Variants in SEC16B observed in about 807,000 individuals in gnomAD.
The protein encoded by SEC16B is SEC16 homolog B, endoplasmic reticulum export factor, also known as protein transport protein Sec16B.
In SEC16B, 115 loss-of-function variants were observed where a neutral mutation model predicts 141.8. That is an observed-to-expected ratio of 0.81 (90% CI 0.70 to 0.95). The LOEUF (loss-of-function observed/expected upper bound fraction) is 0.95, where lower values mean the gene tolerates loss of function less well. SEC16B is among the 40% of genes least tolerant of loss of function. The pLI is 0.00. For missense variants in SEC16B, 1,291 were observed against 1,312.3 expected (o/e 0.98, Z 0.25); for synonymous variants, 493 against 492.5 (o/e 1.00, Z -0.01).
chr1:177,933,262 G>A lies in SEC16B; in HGVS notation c.2775C>T (p.Asn925=), dbSNP rs1210792687. 15 of 1,599,152 alleles carry A rather than the reference G, an allele frequency of 9.4e-6. No homozygotes were observed. The highest frequency in any genetic ancestry group is 2.7e-5 in the African/African-American group (2 of 74,536). Residue 925 remains asparagine (N), a synonymous_variant, in exon 22 of 26, where the codon AAC becomes AAT. Coordinates refer to ENST00000308284, the MANE Select transcript of SEC16B (RefSeq NM_033127.4). ...AGTCCTCGTCTCCAGCGGGGGATGCGTTCTTGGTGGGCTTCGATCGAAACC... is the reference window on the plus strand; with the variant it reads ...AGTCCTCGTCTCCAGCGGGGGATGCATTCTTGGTGGGCTTCGATCGAAACC... The part of the protein sequence containing the change: ...FSWFRSKPTK[N]ASPAGDEDSS...
At chr1:177,970,561 C>T (rs1409018167), upstream of SEC16B, among the ~76,000 whole-genome samples, 1 of 152,112 alleles carries the variant, frequency 6.6e-6, no homozygotes, top group Non-Finnish European at 1.5e-5. Context: ...GAGCAAACAC[C>T]TGGTTTGCCC....
chr1:177,978,062 A>G (rs1654246885), intron 1 of SEC16B, among the ~76,000 whole-genome samples: 3 of 152,176 alleles, frequency 2.0e-5, no homozygotes, highest in Admixed American at 1.3e-4. Context: ...GCTAAACTAT[A>G]TACAAAGCTC....
At chr1:177,963,983 T>G (rs1368460127) in intron 5 of SEC16B, among the ~76,000 whole-genome samples, 188 bp downstream of exon 5, 2 of 152,072 alleles carry the variant, frequency 1.3e-5, no homozygotes, top group African/African-American at 4.8e-5. Flanking sequence ...CTCGGATGCC[T>G]AAGACTGAGG....
chr1:177,964,338 C>T (rs1557989472), intron 4 of SEC16B, 59 bp from the exon 5 acceptor site: 2 of 1,264,698 alleles, frequency 1.6e-6, no homozygotes, highest in East Asian at 2.5e-5. Flanking sequence ...AAGGCTGAGG[C>T]ACTCTCCGCC....
At chr1:177,980,992 G>A (rs1557999907) in intron 1 of SEC16B, among the ~76,000 whole-genome samples, 1 of 152,080 alleles carries the variant, frequency 6.6e-6, no homozygotes, top group East Asian at 1.9e-4. Flanking sequence ...GCAAAGAAAA[G>A]TTGAGAGCTG....
In SEC16B at chr1:177,933,266, T is replaced by C. The variant is rs756040569; in HGVS notation, c.2771A>G (p.Lys924Arg). 5 of 1,600,812 alleles carry C rather than the reference T, an allele frequency of 3.1e-6. No homozygotes were observed. In the Admixed American group the frequency reaches 6.9e-5, roughly 22 times the overall value. Residue 924 changes from lysine to arginine, a missense_variant, in exon 22 of 26, where the codon AAG (lysine) becomes AGG (arginine). Coordinates refer to ENST00000308284, the MANE Select transcript of SEC16B (RefSeq NM_033127.4). ...CTCGTCTCCAGCGGGGGATGCGTTC[T>C]TGGTGGGCTTCGATCGAAACCAGCT... ...WFSWFRSKPT[K>R]NASPAGDEDS...
chr1:177,964,238 T>C lies in SEC16B; in HGVS notation c.575A>G (p.Asn192Ser). 2 of 1,613,616 alleles carry C rather than the reference T, an allele frequency of 1.2e-6. No individual in the cohort carries two copies. Among genetic ancestry groups the C allele is most frequent in the Non-Finnish European group, 1.7e-6 (2 of 1,179,696 alleles). ...CTCCCCCGGCCACTCCTGTCCAGAG[T>C]TGGAAGCAGGGCTGTCTTTACAAGG... is the stretch of plus-strand genomic sequence containing the variant. ...RNPCKDSPASNSGQEWPGELF... is the reference protein window; with the variant it reads ...RNPCKDSPASSSGQEWPGELF... The change falls in exon 5 of 26, where the codon AAC (asparagine) becomes AGC (serine). Residue 192 changes from asparagine (N) to serine (S), a missense_variant. Transcript: ENST00000308284.
chr1:177,939,923 G>C (rs988990851), intron 17 of SEC16B, 146 bp from the exon 18 acceptor site: 1 of 681,794 alleles, frequency 1.5e-6, no homozygotes, highest in African/African-American at 1.8e-5. Flanking sequence ...TAGGGGCCTG[G>C]GGGGTCACGT....
At position 177,947,920 on chromosome 1, in the gene SEC16B, C is replaced by T. The variant is rs200132735; in HGVS notation, c.1568G>A (p.Gly523Glu). 3,389 of 1,556,306 alleles carry T rather than the reference C, an allele frequency of 2.2e-3. 15 individuals are homozygous for T. Among genetic ancestry groups the T allele is most frequent in the Non-Finnish European group, 2.4e-3 (2,762 of 1,149,566 alleles). The stretch of plus-strand genomic sequence containing the variant: ...CACAGCCAAGTGAGGCCTCCAGTCT[C>T]CCCACTGCTTTTCTCCACAACACTG... ...AATCCGEKQW[G>E]DWRPHLAVIL... The change falls in exon 13 of 26, where the codon GGA becomes GAA. Residue 523 changes from glycine to glutamate, a missense_variant. Physicochemically the swap from Gly to Glu is moderately conservative, Grantham distance 98. Around this residue, in one of 3 missense-constraint regions of SEC16B, gnomAD observed 681 missense variants for 675.5 expected, o/e 1.01. Coordinates refer to ENST00000308284, the MANE Select transcript of SEC16B (RefSeq NM_033127.4).
rs529971046 is a variant in SEC16B at position 177,939,834 on chromosome 1, A to C, written c.2128-57T>G. ...CAGCACAAAGGAAAAACAAGAACAG[A>C]GAAACAAAGTGATTCAAAACTTAAG... is the stretch of plus-strand genomic sequence containing the variant. On this transcript the variant is annotated intron_variant, in intron 17 of 25. Coordinates refer to ENST00000308284, the MANE Select transcript of SEC16B (RefSeq NM_033127.4). 538 of 1,335,214 alleles carry C rather than the reference A, an allele frequency of 4.0e-4. 9 individuals carry two copies. The South Asian group carries it at 6.2e-3, about 15-fold the overall frequency. The allele number at this position is 1,335,214 out of a possible 1,614,324, so 82.7% of individuals were successfully genotyped here.
chr1:177,948,922 TAC>T (rs71108020), intron 12 of SEC16B, among the ~76,000 whole-genome samples: 7,175 of 149,164 alleles, frequency 0.048, 540 homozygotes, highest in African/African-American at 0.16. Flanking sequence ...TAGGTATAAA[TAC>T]ACACACACAC....
rs555916997 is a variant in SEC16B, at chr1:177,939,718, G to A, written c.2187C>T (p.Ala729=). 8.7e-5 allele frequency: 139 copies of A among 1,595,932 alleles called. 1 individual carries two copies. The Admixed American group carries it at 1.4e-3, about 16-fold the overall frequency. The part of the protein sequence containing the change: ...PHPTRSDISG[A]GGTTTENTFY... ...TTTGGGTACCTGTTGTTGTTCCTCC[G>A]GCTCCCGAAATATCTGAGCGAGTAG... is the stretch of plus-strand genomic sequence containing the variant. The change falls in exon 18 of 26, where the codon GCC becomes GCT. Residue 729 remains alanine (A), a synonymous_variant. Transcript: ENST00000308284.
chr1:177,956,067 C>T (rs764282309), intron 10 of SEC16B, among the ~76,000 whole-genome samples: 1 of 152,188 alleles, frequency 6.6e-6, no homozygotes, highest in Non-Finnish European at 1.5e-5. Flanking sequence ...AGCACACTGC[C>T]TATTTTGGTA....
At chr1:177,941,778 C>T (rs2101921135) in intron 16 of SEC16B, 122 bp downstream of exon 16, 7 of 1,119,120 alleles carry the variant, frequency 6.3e-6, no homozygotes, top group Non-Finnish European at 8.9e-6. Flanking sequence ...CAAAGATGGC[C>T]GTGGGCTCCA....
At chr1:177,978,712 T>C (rs1346892914) in intron 1 of SEC16B, among the ~76,000 whole-genome samples, 1 of 138,488 alleles carries the variant, frequency 7.2e-6, no homozygotes, top group African/African-American at 2.7e-5. Flanking sequence ...AATAAATAAA[T>C]AAATAAATAA....
intron 17 of SEC16B, 131 bp downstream of exon 17, chr1:177,940,479 T>A (rs1314063989): frequency 6.4e-6 from 4 of 626,230 alleles, no homozygotes; most frequent in Middle Eastern, 4.4e-4. Flanking sequence ...TCATGGGTGA[T>A]GGGAGAGACC....
intron 1 of SEC16B, among the ~76,000 whole-genome samples, chr1:177,981,747 T>C (rs537029024): frequency 6.6e-6 from 1 of 152,122 alleles, no homozygotes; most frequent in South Asian, 2.1e-4. Context: ...TGGGCCATGG[T>C]GAGTTGAGGT....
intron 24 of SEC16B, among the ~76,000 whole-genome samples, 180 bp downstream of exon 24, chr1:177,932,310 G>A (rs1341904860): frequency 2.0e-5 from 3 of 152,196 alleles, no homozygotes; most frequent in Non-Finnish European, 2.9e-5. Context: ...TGAGAAATTC[G>A]GTTTCTGTGG....
intron 22 of SEC16B, 40 bp from the exon 23 acceptor site, chr1:177,932,846 G>T: frequency 6.4e-7 from 1 of 1,558,802 alleles, no homozygotes; most frequent in Non-Finnish European, 8.7e-7. Flanking sequence ...GGCAACATTG[G>T]CAGTTAACAA....
Sources: allele counts gnomAD v4.1 joint callset (sites outside exome capture counted in the v4.1 genomes callset), GRCh38; gene constraint gnomAD v4.1.1; regional missense constraint gnomAD v4.1.1; transcripts MANE v1.5; gene names NCBI Gene and HGNC (gene_info 2026-07-23, HGNC 2026-07-21).